The following ZDHHC7 variants were observed in gnomAD, a reference collection of about 807,000 sequenced individuals.
ZDHHC7 encodes the protein zDHHC palmitoyltransferase 7.
Under a neutral mutation model 34.1 loss-of-function variants are expected in ZDHHC7, and 12 were observed. The ratio of observed to expected loss-of-function variants is 0.35; its 90% CI spans 0.23 to 0.57. ZDHHC7 has a LOEUF of 0.57. Among genes scored for constraint, ZDHHC7 ranks in the 20% least tolerant of loss-of-function variants. The pLI is 0.84. For missense variants in ZDHHC7, 388 were observed against 402.7 expected (o/e 0.96, Z 0.31); for synonymous variants, 185 against 155.4 (o/e 1.19, Z -1.42).
At chr16:85,022,979 G>A in the ZDHHC7 span, among the ~76,000 whole-genome samples, 1 of 152,100 alleles carries the variant, frequency 6.6e-6, no homozygotes, top group African/African-American at 2.4e-5. Flanking sequence ...CAGAGTAAAG[G>A]AGACTGACTA....
At chr16:84,986,719 C>T (rs1366423016) in intron 3 of ZDHHC7, among the ~76,000 whole-genome samples, 1 of 152,328 alleles carries the variant, frequency 6.6e-6, no homozygotes. Context: ...AGTGACAATA[C>T]AAATCCCAAT....
chr16:84,997,532 A>T (rs1215481188), intron 1 of ZDHHC7, among the ~76,000 whole-genome samples: 9 of 150,218 alleles, frequency 6.0e-5, no homozygotes, highest in African/African-American at 2.2e-4. Context: ...CGGCCTCCCA[A>T]AGTGCTGGGA....
At chr16:85,006,146 T>C (rs576856897) in intron 1 of ZDHHC7, among the ~76,000 whole-genome samples, 9 of 152,076 alleles carry the variant, frequency 5.9e-5, no homozygotes, top group Non-Finnish European at 1.2e-4. Flanking sequence ...GGAGGAACAC[T>C]TGAGTTAAAA....
chr16:84,995,580 C>G (rs1026408173), intron 2 of ZDHHC7, among the ~76,000 whole-genome samples: 3 of 152,128 alleles, frequency 2.0e-5, no homozygotes, highest in Non-Finnish European at 4.4e-5. Flanking sequence ...GAGCCAAGAT[C>G]ACGCCATTGC....
At chr16:85,016,358 C>T (rs1236788605), upstream of ZDHHC7, among the ~76,000 whole-genome samples, 1 of 151,816 alleles carries the variant, frequency 6.6e-6, no homozygotes, top group South Asian at 2.1e-4. Context: ...CTGAAATGTT[C>T]TTTTATATTT....
chr16:85,000,426 A>G (rs752136184), intron 1 of ZDHHC7, among the ~76,000 whole-genome samples: 8 of 152,184 alleles, frequency 5.3e-5, no homozygotes, highest in Non-Finnish European at 7.3e-5. Flanking sequence ...CAGAAAATGT[A>G]TTTCTCAGGA....
chr16:85,027,434 T>C, the ZDHHC7 span, among the ~76,000 whole-genome samples: 1 of 152,214 alleles, frequency 6.6e-6, no homozygotes, highest in African/African-American at 2.4e-5. Context: ...AATCCGACGG[T>C]ATTTCCTAGC....
At chr16:84,984,391 A>C (rs62050773) in intron 3 of ZDHHC7, among the ~76,000 whole-genome samples, 20,358 of 152,084 alleles carry the variant, frequency 0.13, 1,412 homozygotes, top group Middle Eastern at 0.18. Context: ...AAAATTCCAC[A>C]ATGTTGCATA....
At chr16:85,027,464 T>C in the ZDHHC7 span, among the ~76,000 whole-genome samples, 2 of 152,114 alleles carry the variant, frequency 1.3e-5, no homozygotes, top group Non-Finnish European at 2.9e-5. Context: ...GCGCTTCCCA[T>C]GCCCCCAACT....
At chr16:85,008,841 T>C (rs965256905) in intron 1 of ZDHHC7, among the ~76,000 whole-genome samples, 2 of 150,162 alleles carry the variant, frequency 1.3e-5, no homozygotes, top group African/African-American at 4.9e-5. Flanking sequence ...AGGTCAGGAG[T>C]TGGAGACCAG....
intron 2 of ZDHHC7, among the ~76,000 whole-genome samples, chr16:84,992,282 A>C (rs565644860): frequency 3.2e-4 from 48 of 151,896 alleles, no homozygotes; most frequent in Non-Finnish European, 5.7e-4. Context: ...AGCCTGGCCA[A>C]GCTGGTGAAA....
intron 1 of ZDHHC7, among the ~76,000 whole-genome samples, chr16:85,001,031 A>G (rs1251344240): frequency 1.3e-5 from 2 of 152,216 alleles, no homozygotes; most frequent in Non-Finnish European, 2.9e-5. Context: ...AAGGGAATTC[A>G]GCATTCCAGA....
intron 3 of ZDHHC7, among the ~76,000 whole-genome samples, chr16:84,985,216 C>A (rs934919148): frequency 1.3e-5 from 2 of 152,230 alleles, no homozygotes; most frequent in Non-Finnish European, 2.9e-5. Context: ...GGTGCCCCTG[C>A]CCACATCCCA....
chr16:85,018,700 T>A, the ZDHHC7 span, among the ~76,000 whole-genome samples: 1 of 152,112 alleles, frequency 6.6e-6, no homozygotes, highest in Non-Finnish European at 1.5e-5. Context: ...TCCGCCCACC[T>A]TGGCCTCCCA....
Position 84,988,959 on chromosome 16 carries a change from T to C in ZDHHC7, c.315+1345A>G, listed in dbSNP as rs548191937. On this transcript the variant is annotated intron_variant, in intron 3 of 7. Transcript: ENST00000313732. ...TCCTTTGTCGAAGTGCCTGGGCACT[T>C]TGGGCAACAAACAAGGGGTTTCTGC... The C allele has an allele frequency of 1.9e-4, 263 of 1,363,960 alleles. 2 individuals are homozygous for C. The highest frequency in any genetic ancestry group is 1.3e-3 in the Middle Eastern group (7 of 5,278). 84.5% of individuals were successfully genotyped at this position (1,363,960 alleles called of 1,614,324 possible).
In ZDHHC7 at chr16:84,977,293, A is replaced by C. The variant is rs879492874; in HGVS notation, c.620-68T>G. The C allele has an allele frequency of 1.9e-5, 30 of 1,587,454 alleles. 1 individual carries two copies. The highest frequency in any genetic ancestry group is 2.5e-5 in the Non-Finnish European group (29 of 1,164,416). Reference sequence around the variant, plus strand: ...CCGAGTGGCAGAATGTTTGGCTCAGAGAAGAATCCTCTAGGGCCAGCCCCT... The same window carrying C: ...CCGAGTGGCAGAATGTTTGGCTCAGCGAAGAATCCTCTAGGGCCAGCCCCT... On this transcript the variant is annotated intron_variant, in intron 6 of 7. Coordinates refer to ENST00000313732, the MANE Select transcript of ZDHHC7 (RefSeq NM_017740.3).
At chr16:84,988,633 G>A (rs908361027) in intron 3 of ZDHHC7, 1 of 784,030 alleles carries the variant, frequency 1.3e-6, no homozygotes, top group South Asian at 1.7e-5. Context: ...GCAGAAGCTG[G>A]ACTGCTGAGT....
Position 85,011,492 on chromosome 16 carries a change from C to T in ZDHHC7, c.-310G>A, listed in dbSNP as rs1271622293. The T allele has an allele frequency of 6.6e-6, 1 of 152,240 alleles. No homozygotes were observed. Among genetic ancestry groups the T allele is most frequent in the Non-Finnish European group, 1.5e-5 (1 of 68,058 alleles). 9.4% of individuals were successfully genotyped at this position (152,240 alleles called of 1,614,324 possible). ...GCTGCAGCCAAGCAAATGCCTCAGC[C>T]CGGAGCCTTGGCTGGAGAGCGGGGC... is the stretch of plus-strand genomic sequence containing the variant. On this transcript the variant is annotated 5_prime_UTR_variant, in exon 1 of 8. Coordinates refer to ENST00000313732, the MANE Select transcript of ZDHHC7 (RefSeq NM_017740.3).
chr16:85,009,795 G>A (rs1163817225), intron 1 of ZDHHC7, among the ~76,000 whole-genome samples: 1 of 141,826 alleles, frequency 7.1e-6, no homozygotes, highest in Non-Finnish European at 1.5e-5. Flanking sequence ...TGCAAGCTCC[G>A]CCTCCCGGGT....
Sources: gnomAD v4.1 joint callset for allele counts (sites outside exome capture counted in the v4.1 genomes callset) on GRCh38, gnomAD v4.1.1 for gene constraint, MANE v1.5 for transcripts, NCBI Gene and HGNC (gene_info 2026-07-23, HGNC 2026-07-21) for gene names.